KLHL4: variants seen among roughly 807,000 people sequenced by gnomAD.
KLHL4 encodes kelch-like protein 4.
A neutral mutation model predicts 45.8 loss-of-function variants in KLHL4; 17 were observed. That is an observed-to-expected ratio of 0.37 (90% CI 0.25 to 0.56). The LOEUF is 0.56. Among genes scored for constraint, KLHL4 ranks in the 20% least tolerant of loss-of-function variants. KLHL4 has a pLI of 0.79. For synonymous variants in KLHL4, 224 were observed against 189.9 expected, an observed-to-expected ratio of 1.18 and a Z score of -1.47; for missense variants, 544 against 544.9, an observed-to-expected ratio of 1.00 and a Z score of 0.02.
At chrX:87,630,146 A>G (rs1923051227) in intron 6 of KLHL4, among the ~76,000 whole-genome samples, 1 of 111,787 alleles carries the variant, frequency 8.9e-6, no homozygotes, top group Non-Finnish European at 1.9e-5. Context: ...ATTCAATCTA[A>G]TCAAGGAGCA....
rs11092966 is a variant in KLHL4 at position 87,556,335 on chromosome X, C to G, written c.422+38020C>G. Among the ~76,000 whole-genome samples, 180 of 108,262 alleles carry G rather than the reference C, an allele frequency of 1.7e-3. 1 individual carries two copies. The highest frequency in any genetic ancestry group is 3.0e-3 in the Non-Finnish European group (156 of 52,090). The allele number at this position is 108,262 out of a possible 115,157, so 94.0% of individuals were successfully genotyped here. ...GGCACATATACACCATGGAATACTA[C>G]GCAGCCATAAAAAATGATGAGTTCA... On this transcript the variant is annotated intron_variant, in intron 1 of 10. Coordinates refer to ENST00000373119, the MANE Select transcript of KLHL4 (RefSeq NM_019117.5).
chrX:87,636,751 A>G (rs773129990), intron 9 of KLHL4, among the ~76,000 whole-genome samples: 9 of 109,934 alleles, frequency 8.2e-5, no homozygotes, highest in Non-Finnish European at 1.3e-4. Context: ...AGAGCTAGCC[A>G]TAATCCCCCT....
chrX:87,649,849 G>A (rs956565526), intron 9 of KLHL4, among the ~76,000 whole-genome samples: 3 of 111,255 alleles, frequency 2.7e-5, no homozygotes, highest in African/African-American at 9.8e-5. Flanking sequence ...TCTGGGCTCT[G>A]TACTGTGTTC....
At chrX:87,553,174 G>A (rs1490293975) in intron 1 of KLHL4, among the ~76,000 whole-genome samples, 1 of 110,373 alleles carries the variant, frequency 9.1e-6, no homozygotes, top group East Asian at 2.8e-4. Flanking sequence ...GTTAGCTCTG[G>A]CGGTTTGTAG....
chrX:87,617,968 T>C lies in KLHL4; in HGVS notation c.764T>C (p.Leu255Ser), dbSNP rs1922617276. 1.7e-6 allele frequency: 2 copies of C among 1,210,875 alleles called. No homozygotes were observed. Among genetic ancestry groups the C allele is most frequent in the Non-Finnish European group, 2.2e-6 (2 of 894,857 alleles). The change falls in exon 4 of 11, where the codon TTG (leucine) becomes TCG (serine). Residue 255 changes from leucine (L) to serine (S), a missense_variant. By Grantham distance (145) the Leu-to-Ser change is moderately radical. Coordinates refer to ENST00000373119, the MANE Select transcript of KLHL4 (RefSeq NM_019117.5). Reference sequence around the variant, plus strand: ...TTGAAAGAAGATACCATTGAAAGTTTGCTGGCTGCAGCTTGTCTTCTGCAG... The same window carrying C: ...TTGAAAGAAGATACCATTGAAAGTTCGCTGGCTGCAGCTTGTCTTCTGCAG... Reference protein sequence around the residue: ...LQLKEDTIESLLAAACLLQLT... With the variant: ...LQLKEDTIESSLAAACLLQLT...
chrX:87,541,214 C>T (rs6614681), intron 1 of KLHL4, among the ~76,000 whole-genome samples: 24,962 of 108,079 alleles, frequency 0.23, 2,556 homozygotes, highest in East Asian at 0.51. Context: ...TGGCCAGGCA[C>T]GGTGGTTCAC....
chrX:87,558,178 A>G (rs1047686001), intron 1 of KLHL4, among the ~76,000 whole-genome samples: 8 of 111,780 alleles, frequency 7.2e-5, no homozygotes, highest in Non-Finnish European at 1.5e-4. Flanking sequence ...AAAAGGCACA[A>G]TAAGTTGCAT....
Position 87,666,732 on chromosome X carries a change from T to G in KLHL4, c.*198T>G. On this transcript the variant is annotated 3_prime_UTR_variant, in exon 11 of 11. Transcript: ENST00000373119. ...TTTTAAACATGAATTACATATGAAT[T>G]ATTAAGCATATGTGCTTTCGCAGCT... 2 of 957,747 alleles carry G rather than the reference T, an allele frequency of 2.1e-6. No individual in the cohort carries two copies. Among genetic ancestry groups the G allele is most frequent in the Non-Finnish European group, 2.6e-6 (2 of 762,070 alleles). The allele number at this position is 957,747 out of a possible 1,213,427, so 78.9% of individuals were successfully genotyped here.
At chrX:87,644,097 A>G (rs1392134014) in intron 9 of KLHL4, among the ~76,000 whole-genome samples, 1 of 111,369 alleles carries the variant, frequency 9.0e-6, no homozygotes, top group Non-Finnish European at 1.9e-5. Context: ...AATCAGTAAA[A>G]AGGAAGTCAA....
chrX:87,593,023 CATTT>C (rs892799535), intron 1 of KLHL4, among the ~76,000 whole-genome samples: 5 of 111,719 alleles, frequency 4.5e-5, no homozygotes, highest in African/African-American at 1.6e-4. Flanking sequence ...ATTCCGCTGT[CATTT>C]GTTCTCCATT....
intron 9 of KLHL4, among the ~76,000 whole-genome samples, chrX:87,636,123 C>A (rs1276015098): frequency 1.8e-5 from 2 of 112,115 alleles, no homozygotes; most frequent in Non-Finnish European, 3.8e-5. Flanking sequence ...ATCTTCTGTA[C>A]AATTGTACAC....
At chrX:87,637,935 C>T (rs752647852) in intron 9 of KLHL4, among the ~76,000 whole-genome samples, 3 of 111,143 alleles carry the variant, frequency 2.7e-5, no homozygotes, top group Non-Finnish European at 5.7e-5. Flanking sequence ...GGCAACAGAG[C>T]GAGACTCCAT....
intron 6 of KLHL4, among the ~76,000 whole-genome samples, chrX:87,629,426 C>G (rs1380457563): frequency 9.0e-6 from 1 of 111,050 alleles, no homozygotes; most frequent in Non-Finnish European, 1.9e-5. Context: ...TGTAGAACTA[C>G]TAGTCATAAA....
rs1924491388 is a variant in KLHL4 at position 87,669,455 on chromosome X, G to A, written c.*2921G>A. ...TCAATCTGACTCAGGTGTGGCTGTT[G>A]CCCCTTTTTGATATGGAGGGAACAC... On this transcript the variant is annotated 3_prime_UTR_variant, in exon 11 of 11. Transcript: ENST00000373119. 8.5e-7 allele frequency: 1 copy of A among 1,180,277 alleles called. No homozygotes were observed. The highest frequency in any genetic ancestry group is 1.1e-6 in the Non-Finnish European group (1 of 878,220).
chrX:87,622,100 C>G (rs1922769738), intron 4 of KLHL4, 111 bp from the exon 5 acceptor site: 1 of 512,381 alleles, frequency 2.0e-6, no homozygotes, highest in Non-Finnish European at 3.3e-6. Flanking sequence ...GTGAATACAT[C>G]TGTGTCTCTT....
chrX:87,643,840 G>A (rs1009082023), intron 9 of KLHL4, among the ~76,000 whole-genome samples: 2 of 111,596 alleles, frequency 1.8e-5, no homozygotes, highest in African/African-American at 3.3e-5. Context: ...AGCATTTGAC[G>A]AAATCCAGCA....
At chrX:87,622,647 A>T (rs1429281037) in intron 5 of KLHL4, among the ~76,000 whole-genome samples, 1 of 111,113 alleles carries the variant, frequency 9.0e-6, no homozygotes, top group East Asian at 2.8e-4. Flanking sequence ...TAAACATCAG[A>T]ATACTCATTA....
At chrX:87,650,127 G>T (rs1342502103) in intron 9 of KLHL4, among the ~76,000 whole-genome samples, 2 of 110,854 alleles carry the variant, frequency 1.8e-5, no homozygotes, top group East Asian at 5.7e-4. Context: ...TAATGACAGG[G>T]TCTCCATCTG....
chrX:87,637,093 T>C (rs1260967827), intron 9 of KLHL4, among the ~76,000 whole-genome samples: 1 of 111,027 alleles, frequency 9.0e-6, no homozygotes, highest in African/African-American at 3.3e-5. Flanking sequence ...AGAGCATACT[T>C]CACTCCCCAG....
Sources: gnomAD v4.1 joint callset for allele counts (sites outside exome capture counted in the v4.1 genomes callset) on GRCh38, gnomAD v4.1.1 for gene constraint, MANE v1.5 for transcripts, NCBI Gene and HGNC (gene_info 2026-07-23, HGNC 2026-07-21) for gene names.